The following COL5A1 variants were observed in gnomAD, a reference collection of about 807,000 sequenced individuals.
The protein encoded by COL5A1 is collagen type V alpha 1 chain, also known as collagen alpha-1(V) chain.
In COL5A1, 16 loss-of-function variants were observed where a neutral mutation model predicts 263.7. The ratio of observed to expected loss-of-function variants is 0.06; its 90% CI spans 0.04 to 0.09. COL5A1 has a LOEUF of 0.09. Among genes scored for constraint, COL5A1 ranks in the 10% least tolerant of loss-of-function variants. COL5A1 has a pLI of 1.00. For synonymous variants in COL5A1, 1,012 were observed against 1,004.5 expected (o/e 1.01, Z -0.14); for missense variants, 2,036 against 2,540.5 (o/e 0.80, Z 4.27).
rs1257604941 is a variant in COL5A1, at chr9:134,758,068, T to C, written c.1882-175T>C. 6.6e-6 allele frequency among the ~76,000 whole-genome samples: 1 copy of C among 152,034 alleles called. No individual in the cohort carries two copies. The highest frequency in any genetic ancestry group is 1.5e-5 in the Non-Finnish European group (1 of 68,006). On this transcript the variant is annotated intron_variant, in intron 17 of 65. Transcript: ENST00000371817. The surrounding 1 kb of genome is among the most constrained non-coding windows in gnomAD (Gnocchi z 4.1). ...ATGTTTGCAGGGGAAGAGGCTGAGATTGTAGATGCAAAGTGGGGGCCTATG... is the reference window on the plus strand; with the variant it reads ...ATGTTTGCAGGGGAAGAGGCTGAGACTGTAGATGCAAAGTGGGGGCCTATG...
At chr9:134,728,932 G>T (rs374210968) in intron 6 of COL5A1, 125 bp downstream of exon 6, 1 of 1,262,672 alleles carries the variant, frequency 7.9e-7, no homozygotes, top group East Asian at 2.4e-5. Context: ...GGTTGCGGGG[G>T]CAGCTCAGTG....
At chr9:134,823,132 C>T in intron 60 of COL5A1, 99 bp downstream of exon 60, 1 of 1,382,332 alleles carries the variant, frequency 7.2e-7, no homozygotes, top group Non-Finnish European at 1.0e-6. Flanking sequence ...ACCGTCCTAG[C>T]TCAGGCCCTG....
rs73664130 is a variant in COL5A1 at position 134,753,693 on chromosome 9, C to T, written c.1720-157C>T. On this transcript the variant is annotated intron_variant, in intron 14 of 65. Transcript: ENST00000371817. ...CCTGGAAAGTCATCGTTCTTCCCCC[C>T]GGTTCTGTTCGAGGCAGACAGGTCG... is the stretch of plus-strand genomic sequence containing the variant. 0.21 allele frequency among the ~76,000 whole-genome samples: 31,773 copies of T among 151,944 alleles called. 3,516 individuals carry two copies. Among genetic ancestry groups the T allele is most frequent in the East Asian group, 0.34 (1,756 of 5,118 alleles).
At position 134,716,476 on chromosome 9, in the gene COL5A1, C is replaced by T. The variant is rs1446643525; in HGVS notation, c.655-10790C>T. On this transcript the variant is annotated intron_variant, in intron 4 of 65. Coordinates refer to ENST00000371817, the MANE Select transcript of COL5A1 (RefSeq NM_000093.5). The surrounding 1 kb of genome is among the most constrained non-coding windows in gnomAD (Gnocchi z 4.5). ...CGAAAGTCAAGATGTGGAGAAGGAG[C>T]AGCTCAAGCGTGCACTGCCCAAGCC... Among the ~76,000 whole-genome samples the T allele has an allele frequency of 1.3e-5, 2 of 152,134 alleles. No individual in the cohort carries two copies. The highest frequency in any genetic ancestry group is 4.8e-5 in the African/African-American group (2 of 41,418).
At chr9:134,809,160 C>T (rs528196573) in intron 42 of COL5A1, 23 bp from the exon 43 acceptor site, 2 of 1,550,722 alleles carry the variant, frequency 1.3e-6, no homozygotes, top group East Asian at 2.4e-5. Flanking sequence ...CACGTTTGAC[C>T]TGAGATCTTC....
intron 23 of COL5A1, 64 bp downstream of exon 23, chr9:134,767,117 C>T (rs1253323736): frequency 3.4e-5 from 54 of 1,570,240 alleles, no homozygotes; most frequent in Middle Eastern, 3.3e-4. Flanking sequence ...GTCTCCAGTC[C>T]GGAGCCCTGG....
chr9:134,679,264 C>CTT (rs1564381671), intron 1 of COL5A1, among the ~76,000 whole-genome samples: 1 of 143,372 alleles, frequency 7.0e-6, no homozygotes, highest in African/African-American at 2.6e-5. Context: ...GGGGGCACTG[C>CTT]CGGGCTGGTT....
chr9:134,745,553 G>C (rs1220137103), intron 11 of COL5A1, among the ~76,000 whole-genome samples: 1 of 152,150 alleles, frequency 6.6e-6, no homozygotes, highest in Non-Finnish European at 1.5e-5. Flanking sequence ...TTCTGGTTGA[G>C]GGGTGCGGTC....
intron 9 of COL5A1, among the ~76,000 whole-genome samples, chr9:134,734,960 C>T (rs1835045220): frequency 6.6e-6 from 1 of 152,094 alleles, no homozygotes; most frequent in Non-Finnish European, 1.5e-5. Flanking sequence ...CCTGTAATCC[C>T]AGCACTTTGG....
chr9:134,829,913 G>A (rs1450483409), intron 63 of COL5A1, 63 bp from the exon 64 acceptor site: 3 of 1,545,604 alleles, frequency 1.9e-6, no homozygotes, highest in Non-Finnish European at 1.8e-6. Flanking sequence ...TTGCTCTGGA[G>A]GCCGGAGAAG....
At chr9:134,703,715 G>T (rs1400413802) in intron 4 of COL5A1, among the ~76,000 whole-genome samples, 1 of 133,520 alleles carries the variant, frequency 7.5e-6, no homozygotes, top group Admixed American at 9.3e-5. Context: ...TCGGCTCACT[G>T]CAAGCTCTGC....
intron 32 of COL5A1, among the ~76,000 whole-genome samples, chr9:134,792,850 CGCACACGTGTGTGTGCGCGCGTTTGT>C (rs1476309268): frequency 0.01 from 568 of 55,128 alleles, 2 homozygotes; most frequent in Middle Eastern, 0.042. Flanking sequence ...TGTGTGTGTG[CGCACACGTGTGTGTGCGCGCGTTTGT>C]GCACACGTGT....
rs144029959 is a variant in COL5A1, at chr9:134,827,657, C to T, written c.5067+1753C>T. 7.8e-3 allele frequency among the ~76,000 whole-genome samples: 1,182 copies of T among 152,334 alleles called. 13 individuals carry two copies. Among genetic ancestry groups the T allele is most frequent in the African/African-American group, 0.027 (1,108 of 41,576 alleles). ...GGCACAGCAGCGTGGGGCTGCTGAG[C>T]GACCCCAGGCTCCCCCAGTGTTGAC... is the stretch of plus-strand genomic sequence containing the variant. On this transcript the variant is annotated intron_variant, in intron 63 of 65. Coordinates refer to ENST00000371817, the MANE Select transcript of COL5A1 (RefSeq NM_000093.5).
At position 134,697,666 on chromosome 9, in the gene COL5A1, T is replaced by A. The variant is rs1476097168; in HGVS notation, c.278-2243T>A. ...GCCCCATGCACTCCCAGGGATCACG[T>A]GGGGCTGCCATGGTCCTGCTGGCAG... On this transcript the variant is annotated intron_variant, in intron 2 of 65. Transcript: ENST00000371817. Among the ~76,000 whole-genome samples, 3 of 152,024 alleles carry A rather than the reference T, an allele frequency of 2.0e-5. 1 individual carries two copies. Among genetic ancestry groups the A allele is most frequent in the Non-Finnish European group, 4.4e-5 (3 of 67,986 alleles).
intron 9 of COL5A1, chr9:134,732,439 G>A: frequency 1.9e-6 from 1 of 535,600 alleles, no homozygotes; most frequent in Admixed American, 3.1e-5. Context: ...GCAGCTCAGA[G>A]CTATCGAGGC....
At position 134,775,987 on chromosome 9, in the gene COL5A1, C is replaced by G. The variant is rs550888676; in HGVS notation, c.2385+1075C>G. Reference sequence around the variant, plus strand: ...CACCTGCTCTGAGAGCCCAAGACATCAGTTTTCAGTGACATGCCCCAGATT... The same window carrying G: ...CACCTGCTCTGAGAGCCCAAGACATGAGTTTTCAGTGACATGCCCCAGATT... On this transcript the variant is annotated intron_variant, in intron 27 of 65. Coordinates refer to ENST00000371817, the MANE Select transcript of COL5A1 (RefSeq NM_000093.5). Among the ~76,000 whole-genome samples, 3 of 152,322 alleles carry G rather than the reference C, an allele frequency of 2.0e-5. No homozygotes were observed. The South Asian group carries it at 6.2e-4, about 32-fold the overall frequency.
In COL5A1 at chr9:134,822,284, A is replaced by C; in HGVS notation, c.4608+134A>C. ...GCTGGAATTGGGGCCTCCAGGGTGG[A>C]TTTGCCCATTAACTCAACATTGGGG... On this transcript the variant is annotated intron_variant, in intron 59 of 65. Transcript: ENST00000371817. 5 of 742,880 alleles carry C rather than the reference A, an allele frequency of 6.7e-6. No homozygotes were observed. The South Asian group carries it at 8.4e-5, about 12-fold the overall frequency. The allele number at this position is 742,880 out of a possible 1,614,324, so 46.0% of individuals were successfully genotyped here.
chr9:134,806,159 G>GA (rs905143394), intron 41 of COL5A1, 30 bp from the exon 42 acceptor site: 2 of 1,495,566 alleles, frequency 1.3e-6, no homozygotes, highest in Admixed American at 3.9e-5. Flanking sequence ...GAGAGCCTTT[G>GA]AAGCAGACTG....
chr9:134,693,947 G>GAGC (rs1833373023), intron 2 of COL5A1, among the ~76,000 whole-genome samples: 1 of 152,234 alleles, frequency 6.6e-6, no homozygotes, highest in Admixed American at 6.5e-5. Context: ...CTGTCTCGGG[G>GAGC]AGCAGCAGCA....
Sources: gnomAD v4.1 joint callset for allele counts (sites outside exome capture counted in the v4.1 genomes callset) on GRCh38, gnomAD v4.1.1 for gene constraint, Gnocchi (gnomAD v3.1) non-coding constraint, MANE v1.5 for transcripts, NCBI Gene and HGNC (gene_info 2026-07-23, HGNC 2026-07-21) for gene names.